Variants in CDKL5 observed in about 807,000 individuals in gnomAD.
The protein encoded by CDKL5 is cyclin-dependent kinase-like 5.
In CDKL5, 8 loss-of-function variants were observed where a neutral mutation model predicts 61.7. The ratio of observed to expected loss-of-function variants is 0.13; its 90% CI spans 0.08 to 0.23. The LOEUF (loss-of-function observed/expected upper bound fraction) is 0.23, where lower values mean the gene tolerates loss of function less well. CDKL5 is among the 10% of genes least tolerant of loss of function. The pLI is 1.00. For synonymous variants in CDKL5, 275 were observed against 272.3 expected, an observed-to-expected ratio of 1.01 and a Z score of -0.10; for missense variants, 440 against 734.5, an observed-to-expected ratio of 0.60 and a Z score of 4.63.
At chrX:18,644,492 G>C (rs61753164), downstream of CDKL5, 1 of 1,211,427 alleles carries the variant, frequency 8.3e-7, no homozygotes, top group Admixed American at 2.2e-5. Context: ...GTCCTGTACT[G>C]CACGCTGTAC....
chrX:18,625,114 A>G lies in CDKL5; in HGVS notation c.2377-14A>G. On this transcript the variant is annotated splice_polypyrimidine_tract_variant and intron_variant, in intron 16 of 17. Coordinates refer to ENST00000623535, the MANE Select transcript of CDKL5 (RefSeq NM_001323289.2). ...CAGTGTGCTTATTGAATGCTTGTCC[A>G]TATTTTGCTCTAGGTACCCAATTCC... The G allele has an allele frequency of 8.3e-7, 1 of 1,205,204 alleles. No individual in the cohort carries two copies.
chrX:18,432,075 A>ATTTCTTTC (rs201355473), intron 1 of CDKL5, among the ~76,000 whole-genome samples: 3 of 97,950 alleles, frequency 3.1e-5, no homozygotes, highest in South Asian at 4.9e-4. Context: ...CACCTGGCTA[A>ATTTCTTTC]TTTCTTTCTT....
rs572414970 is a variant in CDKL5 at position 18,446,642 on chromosome X, A to G, written c.-163+20947A>G. 3.4e-3 allele frequency among the ~76,000 whole-genome samples: 382 copies of G among 111,752 alleles called. 1 individual carries two copies. The Middle Eastern group carries it at 0.046, about 13-fold the overall frequency. ...TGATTTCTGTGGGAAGGTATAATAC[A>G]TTTTAACGTTCTCAGTGAAGAAGGG... On this transcript the variant is annotated intron_variant, in intron 1 of 17. Coordinates refer to ENST00000623535, the MANE Select transcript of CDKL5 (RefSeq NM_001323289.2).
chrX:18,573,117 G>C (rs1925186603), intron 4 of CDKL5, among the ~76,000 whole-genome samples: 1 of 110,863 alleles, frequency 9.0e-6, no homozygotes, highest in Non-Finnish European at 1.9e-5. Context: ...CATTAAGGTG[G>C]AAAAATGAAG....
At chrX:18,447,276 C>T (rs1443615272) in intron 1 of CDKL5, among the ~76,000 whole-genome samples, 1 of 111,174 alleles carries the variant, frequency 9.0e-6, no homozygotes, top group African/African-American at 3.3e-5. Context: ...TCCTCAGGGT[C>T]TCACTTTTGA....
In CDKL5 at chrX:18,603,507, C is replaced by A. The variant is rs940144704; in HGVS notation, c.978-395C>A. Among the ~76,000 whole-genome samples the A allele has an allele frequency of 8.0e-5, 9 of 112,249 alleles. No homozygotes were observed. In the Admixed American group the frequency reaches 8.5e-4, roughly 11 times the overall value. ...AGTAACCTTTAAGTCTAAATGTTGTCTTCTGACATTCAAGCAGACAAAAGA... is the reference window on the plus strand; with the variant it reads ...AGTAACCTTTAAGTCTAAATGTTGTATTCTGACATTCAAGCAGACAAAAGA... On this transcript the variant is annotated intron_variant, in intron 11 of 17. Transcript: ENST00000623535.
At chrX:18,601,343 C>T (rs1400687528) in intron 11 of CDKL5, among the ~76,000 whole-genome samples, 2 of 112,384 alleles carry the variant, frequency 1.8e-5, no homozygotes, top group Non-Finnish European at 3.8e-5. Context: ...GCACCTTCGA[C>T]ATTTGCTTTT....
intron 8 of CDKL5, among the ~76,000 whole-genome samples, chrX:18,585,815 A>C (rs1456739678): frequency 8.9e-6 from 1 of 112,007 alleles, no homozygotes; most frequent in Non-Finnish European, 1.9e-5. Context: ...CGCAAATTGT[A>C]GGTCTCATTT....
chrX:18,590,542 C>T (rs900032105), intron 9 of CDKL5, among the ~76,000 whole-genome samples: 3 of 112,047 alleles, frequency 2.7e-5, no homozygotes, highest in East Asian at 2.8e-4. Flanking sequence ...TGAATGTGGG[C>T]GAAATGAATG....
chrX:18,453,441 C>G (rs1932068398), intron 1 of CDKL5, among the ~76,000 whole-genome samples: 1 of 111,292 alleles, frequency 9.0e-6, no homozygotes, highest in African/African-American at 3.3e-5. Context: ...TTGTCCTAAT[C>G]TCTGGACATA....
intron 12 of CDKL5, among the ~76,000 whole-genome samples, chrX:18,606,820 G>A (rs1926381889): frequency 8.9e-6 from 1 of 112,131 alleles, no homozygotes; most frequent in African/African-American, 3.2e-5. Flanking sequence ...TCAAGCACGA[G>A]GTGAAGAGAA....
chrX:18,629,096 C>T lies in CDKL5; in HGVS notation c.*339C>T, dbSNP rs920459198. On this transcript the variant is annotated 3_prime_UTR_variant, in exon 18 of 18. Transcript: ENST00000623535. ...GCAATCTCTGTTGAACTTGGGAATG[C>T]CAGGATGTGTCCTGGCACTGCAAGG... The T allele has an allele frequency of 1.8e-5, 15 of 814,902 alleles. No individual in the cohort carries two copies. The East Asian group carries it at 1.1e-3, about 61-fold the overall frequency. The allele number at this position is 814,902 out of a possible 1,213,427, so 67.2% of individuals were successfully genotyped here.
exon 22 of CDKL5, chrX:18,653,555 C>A: frequency 8.3e-7 from 1 of 1,209,637 alleles, no homozygotes; most frequent in Non-Finnish European, 1.1e-6. Flanking sequence ...CTTCTGCAAG[C>A]CTGCGGCTGG....
chrX:18,640,352 T>G (rs1347049937), downstream of CDKL5: 1 of 109,652 alleles, frequency 9.1e-6, no homozygotes, highest in Admixed American at 9.8e-5. Flanking sequence ...TTAATTCACC[T>G]TTCCAAATAA....
chrX:18,615,607 G>A (rs1325547215), intron 15 of CDKL5, among the ~76,000 whole-genome samples: 2 of 111,229 alleles, frequency 1.8e-5, no homozygotes, highest in Non-Finnish European at 3.8e-5. Flanking sequence ...TTGTAAACAT[G>A]GGGTCTCACT....
At chrX:18,601,522 AT>A (rs763907292) in intron 11 of CDKL5, among the ~76,000 whole-genome samples, 11 of 112,169 alleles carry the variant, frequency 9.8e-5, no homozygotes, top group Admixed American at 5.7e-4. Flanking sequence ...GCTGTTTTTT[AT>A]TGTTGCACTT....
At chrX:18,587,499 A>T (rs1925678389) in intron 8 of CDKL5, among the ~76,000 whole-genome samples, 1 of 112,271 alleles carries the variant, frequency 8.9e-6, no homozygotes, top group African/African-American at 3.2e-5. Flanking sequence ...AAGGAAACAC[A>T]TAAATCAGTA....
chrX:18,436,529 G>A (rs570816712), intron 1 of CDKL5, among the ~76,000 whole-genome samples: 3 of 111,012 alleles, frequency 2.7e-5, no homozygotes, highest in South Asian at 3.9e-4. Context: ...GGGGAAATAA[G>A]TTTTCCAGAC....
chrX:18,503,937 T>G (rs1922475997), intron 1 of CDKL5, among the ~76,000 whole-genome samples: 1 of 111,275 alleles, frequency 9.0e-6, no homozygotes, highest in Non-Finnish European at 1.9e-5. Context: ...GAGAAAGGGT[T>G]TCACCACATT....
Sources: gnomAD v4.1 joint callset for allele counts (sites outside exome capture counted in the v4.1 genomes callset) on GRCh38, gnomAD v4.1.1 for gene constraint, MANE v1.5 for transcripts, NCBI Gene and HGNC (gene_info 2026-07-23, HGNC 2026-07-21) for gene names.